Variants in PLEC observed in about 807,000 individuals in gnomAD.
The protein encoded by PLEC is plectin, also known as hemidesmosomal protein 1.
Under a neutral mutation model 392.8 loss-of-function variants are expected in PLEC, and 216 were observed. That is an observed-to-expected ratio of 0.55 (90% CI 0.49 to 0.62). The LOEUF (loss-of-function observed/expected upper bound fraction) is 0.62, where lower values mean the gene tolerates loss of function less well. PLEC is among the 20% of genes least tolerant of loss of function. PLEC has a pLI of 0.00. For synonymous variants in PLEC, 3,621 were observed against 2,980.6 expected (o/e 1.21, Z -7.00); for missense variants, 6,863 against 6,563.4 (o/e 1.05, Z -1.58).
rs573469923 is a variant in PLEC, at chr8:143,939,417, G to A, written c.45C>T (p.Gly15=). ...QLRVPQPEGL[G]RKRTSSEDNL... ...TGTCCTCCGAGCTGGTTCTCTTTCG[G>A]CCCAGGCCCTCGGGCTGCGGCACGC... Residue 15 remains glycine (G), a synonymous_variant, in exon 1 of 32, where the codon GGC becomes GGT. Transcript: ENST00000345136. The A allele has an allele frequency of 2.7e-5, 43 of 1,612,678 alleles. No homozygotes were observed. The African/African-American group carries it at 5.5e-4, about 20-fold the overall frequency.
Position 143,921,155 on chromosome 8 carries a change from G to A in PLEC, c.8666C>T (p.Ala2889Val), listed in dbSNP as rs575028758. ...LCLLPLTDKAAKGGELVYTDS... is the reference protein window; with the variant it reads ...LCLLPLTDKAVKGGELVYTDS... ...AGTGTAGACCAGCTCCCCGCCCTTGGCAGCCTTATCCGTGAGTGGCAGAAG... is the reference window on the plus strand; with the variant it reads ...AGTGTAGACCAGCTCCCCGCCCTTGACAGCCTTATCCGTGAGTGGCAGAAG... The change falls in exon 32 of 32, where the codon GCC (alanine) becomes GTC (valine). Residue 2889 changes from alanine (A) to valine (V), a missense_variant. Ala to Val is a moderately conservative substitution (Grantham distance 64, BLOSUM62 0). Transcript: ENST00000345136. 1.2e-6 allele frequency: 2 copies of A among 1,613,636 alleles called. No homozygotes were observed. Among genetic ancestry groups the A allele is most frequent in the Admixed American group, 1.7e-5 (1 of 60,032 alleles).
Position 143,918,847 on chromosome 8 carries a change from G to A in PLEC, c.10974C>T (p.Ile3658=), listed in dbSNP as rs782364403. The change falls in exon 32 of 32, where the codon ATC becomes ATT. Residue 3658 remains isoleucine, a synonymous_variant. Coordinates refer to ENST00000345136, the MANE Select transcript of PLEC (RefSeq NM_201384.3). ...GGAGCAGGTTGTAGGTCTCGAGAGA[G>A]ATGATCCGAGCCTCGAACAGGTCCT... The part of the protein sequence containing the change: ...TAEDLFEARI[I]SLETYNLLRE... The A allele has an allele frequency of 2.5e-6, 4 of 1,612,912 alleles. No individual in the cohort carries two copies. Among genetic ancestry groups the A allele is most frequent in the South Asian group, 2.2e-5 (2 of 91,090 alleles).
intron 9 of PLEC, 34 bp downstream of exon 9, chr8:143,934,776 A>C: frequency 6.2e-7 from 1 of 1,611,844 alleles, no homozygotes; most frequent in Non-Finnish European, 8.5e-7. Flanking sequence ...CTCTCAGGGC[A>C]GGCCCAGGAC....
chr8:143,964,494 C>T (rs1390775500), intron 1 of PLEC, among the ~76,000 whole-genome samples: 3 of 152,130 alleles, frequency 2.0e-5, no homozygotes, highest in Admixed American at 6.5e-5. Flanking sequence ...GCCCAGGCAC[C>T]GATGGCCACC....
chr8:143,969,026 A>G lies in PLEC; in HGVS notation c.70+4377T>C, dbSNP rs1833269625. ...CCTAGGTATCTACCCAGCAGAAATA[A>G]AAAACATACGACCACACAAAAACGT... is the stretch of plus-strand genomic sequence containing the variant. On this transcript the variant is annotated intron_variant, in intron 1 of 31. Transcript: ENST00000356346. The surrounding 1 kb of genome is among the most constrained non-coding windows in gnomAD (Gnocchi z 5.1). 6.6e-6 allele frequency among the ~76,000 whole-genome samples: 1 copy of G among 152,224 alleles called. No individual in the cohort carries two copies. The highest frequency in any genetic ancestry group is 2.1e-4 in the South Asian group (1 of 4,832).
chr8:143,917,296 C>T lies in PLEC; in HGVS notation c.12525G>A (p.Glu4175=). 1.2e-6 allele frequency: 2 copies of T among 1,609,584 alleles called. No individual in the cohort carries two copies. The highest frequency in any genetic ancestry group is 1.7e-6 in the Non-Finnish European group (2 of 1,178,684). The change falls in exon 32 of 32, where the codon GAG becomes GAA. Residue 4175 remains glutamate, a synonymous_variant. Transcript: ENST00000345136. ...AGATGGTGATCTCCTCCCACTCGCA[C>T]TCCTGCTCGGACAGCTCCAGGTACG... ...HQTYLELSEQ[E]CEWEEITISS...
At chr8:143,942,210 G>C (rs1387386579), upstream of PLEC, among the ~76,000 whole-genome samples, 1 of 151,952 alleles carries the variant, frequency 6.6e-6, no homozygotes, top group African/African-American at 2.4e-5. Context: ...AACAAATGGG[G>C]GTAGGGGAAC....
At chr8:143,954,209 C>T (rs1179644111), upstream of PLEC, among the ~76,000 whole-genome samples, 1 of 152,188 alleles carries the variant, frequency 6.6e-6, no homozygotes, top group Non-Finnish European at 1.5e-5. This position sits in a 1 kb window ranked among gnomAD's most constrained non-coding sequence, Gnocchi z 4.6. Flanking sequence ...CCCACCCATC[C>T]AGATCTCCCA....
At position 143,930,217 on chromosome 8, in the gene PLEC, T is replaced by C. The variant is rs781967871; in HGVS notation, c.2539A>G (p.Ser847Gly). 1.3e-6 allele frequency: 2 copies of C among 1,585,784 alleles called. No homozygotes were observed. Among genetic ancestry groups the C allele is most frequent in the Non-Finnish European group, 1.7e-6 (2 of 1,172,086 alleles). The change falls in exon 21 of 32, where the codon AGC (serine) becomes GGC (glycine). Residue 847 changes from serine to glycine, a missense_variant. By Grantham distance (56) the Ser-to-Gly change is moderately conservative. Coordinates refer to ENST00000345136, the MANE Select transcript of PLEC (RefSeq NM_201384.3). ...CACACGGAGGGCACGGCGGCCTCGC[T>C]GCCGGAGCTGCTGAGCACCTTCCAG... Reference protein sequence around the residue: ...SHWKVLSSSGSEAAVPSVCFL... With the variant: ...SHWKVLSSSGGEAAVPSVCFL...
In PLEC at chr8:143,916,175, C is replaced by T. The variant is rs1554668129; in HGVS notation, c.*2G>A. ...TGCAGAGCGGGGTGGGCGCAGGCAG[C>T]CTCAGGCCACGGCAGACTCAGGGCC... On this transcript the variant is annotated 3_prime_UTR_variant, in exon 32 of 32. Coordinates refer to ENST00000345136, the MANE Select transcript of PLEC (RefSeq NM_201384.3). The T allele has an allele frequency of 1.3e-6, 2 of 1,535,360 alleles. No individual in the cohort carries two copies. The highest frequency in any genetic ancestry group is 1.8e-6 in the Non-Finnish European group (2 of 1,141,080).
chr8:143,929,579 AC>A lies in PLEC; in HGVS notation c.2924-9del. ...GAGACTCTTCCTGTGCACCTGGGGAACACATGTGGGTCACTCCACCGCCCAC... is the reference window on the plus strand; with the variant it reads ...GAGACTCTTCCTGTGCACCTGGGGAAACATGTGGGTCACTCCACCGCCCAC... On this transcript the variant is annotated splice_polypyrimidine_tract_variant and intron_variant, in intron 23 of 31. Transcript: ENST00000345136. The A allele has an allele frequency of 6.2e-7, 1 of 1,612,140 alleles. No homozygotes were observed. Among genetic ancestry groups the A allele is most frequent in the Non-Finnish European group, 8.5e-7 (1 of 1,179,838 alleles).
At chr8:143,940,559 C>T (rs1008756418), upstream of PLEC, among the ~76,000 whole-genome samples, 1 of 152,164 alleles carries the variant, frequency 6.6e-6, no homozygotes, top group Admixed American at 6.5e-5. Context: ...CCCTGGGGTC[C>T]GGGGCGGAGC....
Position 143,917,719 on chromosome 8 carries a change from G to T in PLEC, c.12102C>A (p.Ile4034=), listed in dbSNP as rs1416238155. The T allele has an allele frequency of 2.5e-6, 4 of 1,613,474 alleles. No homozygotes were observed. Among genetic ancestry groups the T allele is most frequent in the Non-Finnish European group, 3.4e-6 (4 of 1,180,022 alleles). The part of the protein sequence containing the change: ...SLFQAMKKGL[I]LKDHGIRLLE... Reference sequence around the variant, plus strand: ...GCAGGCGGATGCCATGGTCCTTCAGGATCAGGCCCTTCTTCATGGCCTGGA... The same window carrying T: ...GCAGGCGGATGCCATGGTCCTTCAGTATCAGGCCCTTCTTCATGGCCTGGA... Residue 4034 remains isoleucine, a synonymous_variant, in exon 32 of 32, where the codon ATC becomes ATA. Coordinates refer to ENST00000345136, the MANE Select transcript of PLEC (RefSeq NM_201384.3).
rs1554687523 is a variant in PLEC at position 143,921,891 on chromosome 8, G to A, written c.7930C>T (p.His2644Tyr). ...TTCCGCCGCAGGCCATCGAAGCTGT[G>A]CTCCGGCTCTGCCTCTGCCGCGGGG... ...DGPAAEAEPE[H>Y]SFDGLRRKVS... Residue 2644 changes from histidine to tyrosine, a missense_variant, in exon 32 of 32, where the codon CAC becomes TAC. Transcript: ENST00000345136. 1.2e-6 allele frequency: 2 copies of A among 1,600,916 alleles called. No homozygotes were observed. The highest frequency in any genetic ancestry group is 1.1e-5 in the South Asian group (1 of 91,032).
chr8:143,955,782 TACAG>T (rs1832555415), upstream of PLEC, among the ~76,000 whole-genome samples: 1 of 151,952 alleles, frequency 6.6e-6, no homozygotes, highest in Admixed American at 6.6e-5. Context: ...TAATTTTTTA[TACAG>T]ACAGTCTGTC....
chr8:143,918,726 C>T lies in PLEC; in HGVS notation c.11095G>A (p.Gly3699Ser), dbSNP rs372372955. ...TAGATGCTCAGTGTCTGCCTGGAAC[C>T]GGGCAGGTAGACACCAGCCACGGAG... Reference protein sequence around the residue: ...TGSVAGVYLPGSRQTLSIYQA... With the variant: ...TGSVAGVYLPSSRQTLSIYQA... The change falls in exon 32 of 32, where the codon GGT becomes AGT. Residue 3699 changes from glycine (G) to serine (S), a missense_variant. Transcript: ENST00000345136. 4.7e-5 allele frequency: 75 copies of T among 1,612,882 alleles called. No individual in the cohort carries two copies. The highest frequency in any genetic ancestry group is 5.4e-5 in the Non-Finnish European group (64 of 1,180,026).
chr8:143,945,112 G>C (rs562524439), intron 1 of PLEC: 5 of 412,072 alleles, frequency 1.2e-5, no homozygotes, highest in African/African-American at 1.1e-4. Context: ...CAGGGGCCAA[G>C]AGAAGAGGCC....
chr8:143,938,714 T>G (rs1554725977), intron 1 of PLEC, 22 bp from the exon 2 acceptor site: 1 of 1,612,346 alleles, frequency 6.2e-7, no homozygotes, highest in Admixed American at 1.7e-5. Context: ...AAGACCAGCT[T>G]ACCTGGGGCC....
rs1282098972 is a variant in PLEC at position 143,970,977 on chromosome 8, A to C, written c.70+2426T>G. ...GCTGCAGTAGCCTCAGCCCCAGAGG[A>C]ATCTGCCCTGGATGGGGGACAGGGA... is the stretch of plus-strand genomic sequence containing the variant. On this transcript the variant is annotated intron_variant, in intron 1 of 31. Coordinates refer to the PLEC transcript ENST00000356346. Among the ~76,000 whole-genome samples the C allele has an allele frequency of 2.6e-5, 4 of 152,208 alleles. No homozygotes were observed. In the South Asian group the frequency reaches 8.3e-4, roughly 32 times the overall value.
Sources: allele counts gnomAD v4.1 joint callset (sites outside exome capture counted in the v4.1 genomes callset), GRCh38; gene constraint gnomAD v4.1.1; non-coding constraint Gnocchi (gnomAD v3.1); transcripts MANE v1.5; gene names NCBI Gene and HGNC (gene_info 2026-07-23, HGNC 2026-07-21).